Variants in RNLS observed in about 807,000 individuals in gnomAD.
RNLS encodes the protein renalase.
RNLS carries 39 observed loss-of-function variants against 39.8 expected under a neutral mutation model. The observed-to-expected ratio is 0.98, with a 90% CI of 0.76 to 1.28. The LOEUF (loss-of-function observed/expected upper bound fraction) is 1.28. RNLS is among the 50% of genes most tolerant of loss of function. The pLI is 0.00. For synonymous variants in RNLS, 147 were observed against 150.7 expected (o/e 0.98, Z 0.18); for missense variants, 410 against 413.3 (o/e 0.99, Z 0.07).
At chr10:88,196,943 T>G in the RNLS span, among the ~76,000 whole-genome samples, 1 of 152,226 alleles carries the variant, frequency 6.6e-6, no homozygotes, top group Non-Finnish European at 1.5e-5. Context: ...CAAGAGCTAA[T>G]TCTATACATT....
At chr10:88,212,534 T>C in the RNLS span, among the ~76,000 whole-genome samples, 1 of 152,218 alleles carries the variant, frequency 6.6e-6, no homozygotes, top group African/African-American at 2.4e-5. Flanking sequence ...TCACTTAGCA[T>C]ATATTAAGTG....
chr10:88,176,899 C>A, the RNLS span, among the ~76,000 whole-genome samples: 1 of 152,210 alleles, frequency 6.6e-6, no homozygotes, highest in Admixed American at 6.5e-5. Flanking sequence ...GTTCTTTCAG[C>A]ACTTGGAATA....
At chr10:88,295,416 A>ATTGGTTCTTG (rs1309336764) in intron 6 of RNLS, among the ~76,000 whole-genome samples, 2 of 152,082 alleles carry the variant, frequency 1.3e-5, no homozygotes, top group Admixed American at 1.3e-4. Context: ...TACATTTTTA[A>ATTGGTTCTTG]TTGGTTCTTA....
intron 4 of RNLS, among the ~76,000 whole-genome samples, chr10:88,519,187 T>C (rs1045004733): frequency 6.6e-6 from 1 of 152,016 alleles, no homozygotes; most frequent in African/African-American, 2.4e-5. Context: ...TGAACTGCTA[T>C]TCTTTTCTAA....
intron 5 of RNLS, 40 bp from the exon 6 acceptor site, chr10:88,314,681 G>A (rs770853791): frequency 6.4e-7 from 1 of 1,566,546 alleles, no homozygotes; most frequent in Non-Finnish European, 8.7e-7. Context: ...TCTTAAAGTG[G>A]GTAGCAGGCA....
At chr10:88,557,074 T>C (rs1848913769) in intron 4 of RNLS, among the ~76,000 whole-genome samples, 1 of 152,128 alleles carries the variant, frequency 6.6e-6, no homozygotes, top group Non-Finnish European at 1.5e-5. Context: ...GAATTTGACA[T>C]CTTAATAAAA....
the RNLS span, among the ~76,000 whole-genome samples, chr10:88,231,014 C>T: frequency 1.3e-5 from 2 of 152,144 alleles, no homozygotes; most frequent in Admixed American, 1.3e-4. Context: ...ATTCCATATC[C>T]CTTTCCTTCA....
chr10:88,449,117 G>C (rs1481493170), intron 4 of RNLS, among the ~76,000 whole-genome samples: 1 of 152,154 alleles, frequency 6.6e-6, no homozygotes, highest in Non-Finnish European at 1.5e-5. Context: ...CCTGCACGTT[G>C]TGCACATGTA....
chr10:88,353,112 T>G (rs1308238777), intron 5 of RNLS, among the ~76,000 whole-genome samples: 1 of 152,358 alleles, frequency 6.6e-6, no homozygotes, highest in East Asian at 1.9e-4. Flanking sequence ...TTAGTCTTGG[T>G]AGCGGTCTAT....
At chr10:88,471,929 C>T (rs565367675) in intron 4 of RNLS, among the ~76,000 whole-genome samples, 1 of 152,108 alleles carries the variant, frequency 6.6e-6, no homozygotes, top group South Asian at 2.1e-4. Context: ...ACTGAGATTC[C>T]AGCCTCCCCC....
intron 4 of RNLS, among the ~76,000 whole-genome samples, chr10:88,537,459 C>A (rs11202767): frequency 0.12 from 18,104 of 152,102 alleles, 1,519 homozygotes; most frequent in African/African-American, 0.23. Flanking sequence ...TACCCAAATG[C>A]CCACCAAGGG....
intron 4 of RNLS, among the ~76,000 whole-genome samples, chr10:88,397,576 C>T (rs145284265): frequency 2.0e-5 from 3 of 150,864 alleles, no homozygotes; most frequent in Non-Finnish European, 3.0e-5. Context: ...AAAATAAGAG[C>T]AAAATAGGCC....
chr10:88,500,407 CT>C (rs895090894), intron 4 of RNLS, among the ~76,000 whole-genome samples: 3 of 152,132 alleles, frequency 2.0e-5, no homozygotes, highest in Non-Finnish European at 4.4e-5. Context: ...TAGAAGTAAA[CT>C]TTCCTCTTCA....
the RNLS span, among the ~76,000 whole-genome samples, chr10:88,186,640 T>C: frequency 1.3e-5 from 2 of 152,190 alleles, no homozygotes; most frequent in African/African-American, 4.8e-5. Context: ...ATTTAAGTGA[T>C]ATATCAGTGC....
chr10:88,220,923 T>C, the RNLS span, among the ~76,000 whole-genome samples: 1 of 152,350 alleles, frequency 6.6e-6, no homozygotes, highest in East Asian at 1.9e-4. Flanking sequence ...AAACCTGTGT[T>C]GGGATTCTGC....
chr10:88,439,473 T>G (rs1320620314), intron 4 of RNLS, among the ~76,000 whole-genome samples: 3 of 152,124 alleles, frequency 2.0e-5, no homozygotes, highest in Middle Eastern at 3.2e-3. Context: ...GTGAAAACAT[T>G]TTTGTGAGTT....
chr10:88,256,300 G>A, the RNLS span, among the ~76,000 whole-genome samples: 22 of 152,170 alleles, frequency 1.4e-4, no homozygotes, highest in African/African-American at 5.3e-4. Context: ...ATGTGAGCTC[G>A]GTTTACGGTT....
At chr10:88,273,791 T>C (rs1023333000), downstream of RNLS, 7 of 152,206 alleles carry the variant, frequency 4.6e-5, no homozygotes, top group Non-Finnish European at 1.0e-4. Flanking sequence ...TTTTCACTTG[T>C]ACCAGTCATT....
At chr10:88,202,310 AG>A in the RNLS span, among the ~76,000 whole-genome samples, 85 of 49,646 alleles carry the variant, frequency 1.7e-3, no homozygotes, top group African/African-American at 6.1e-3. Flanking sequence ...GGGTGGGGGG[AG>A]GGGGGAGGGA....
Sources: gnomAD v4.1 joint callset for allele counts (sites outside exome capture counted in the v4.1 genomes callset) on GRCh38, gnomAD v4.1.1 for gene constraint, MANE v1.5 for transcripts, NCBI Gene and HGNC (gene_info 2026-07-23, HGNC 2026-07-21) for gene names.